DLG2: variants seen among roughly 807,000 people sequenced by gnomAD.
DLG2 encodes discs large MAGUK scaffold protein 2.
DLG2 carries 45 observed loss-of-function variants against 132.5 expected under a neutral mutation model. The ratio of observed to expected loss-of-function variants is 0.34; its 90% CI spans 0.27 to 0.44. The LOEUF (loss-of-function observed/expected upper bound fraction) is 0.44. Among genes scored for constraint, DLG2 ranks in the 20% least tolerant of loss-of-function variants. The probability of loss-of-function intolerance (pLI) is 1.00; values close to 1 mark genes in which losing one functional copy is unlikely to be tolerated. For synonymous variants in DLG2, 424 were observed against 419.6 expected (o/e 1.01, Z -0.13); for missense variants, 1,045 against 1,196.9 (o/e 0.87, Z 1.87).
chr11:84,801,875 G>A (rs778889660), intron 6 of DLG2, among the ~76,000 whole-genome samples: 34 of 152,116 alleles, frequency 2.2e-4, no homozygotes, highest in Non-Finnish European at 5.9e-5. Context: ...GACAAATTTG[G>A]TATTGAGAAC....
intron 6 of DLG2, among the ~76,000 whole-genome samples, chr11:84,812,322 AC>A (rs1402329761): frequency 1.3e-5 from 2 of 152,162 alleles, no homozygotes; most frequent in Non-Finnish European, 2.9e-5. Flanking sequence ...ACATACTTGC[AC>A]CTTTATAGGC....
chr11:84,238,323 T>C lies in DLG2; in HGVS notation c.573+12915A>G, dbSNP rs190584456. Among the ~76,000 whole-genome samples, 174 of 152,210 alleles carry C rather than the reference T, an allele frequency of 1.1e-3. 1 individual carries two copies. The highest frequency in any genetic ancestry group is 4.0e-3 in the African/African-American group (164 of 41,518). ...TGAGCCTGGGAATTCAAGACCAGCC[T>C]GGGCAACATGGCAAAACTCTATGTC... On this transcript the variant is annotated intron_variant, in intron 8 of 27. Transcript: ENST00000376104.
chr11:83,928,708 A>T (rs1316688041), intron 15 of DLG2, among the ~76,000 whole-genome samples: 1 of 152,162 alleles, frequency 6.6e-6, no homozygotes, highest in Non-Finnish European at 1.5e-5. Flanking sequence ...AAGTCAGGCA[A>T]CTTATCAAGT....
intron 4 of DLG2, among the ~76,000 whole-genome samples, chr11:85,239,580 T>G (rs1461336396): frequency 6.6e-6 from 1 of 152,072 alleles, no homozygotes; most frequent in African/African-American, 2.4e-5. Flanking sequence ...AGTGGACTCA[T>G]GCAGTGCCAC....
At chr11:84,390,852 A>G (rs1198660305) in intron 7 of DLG2, among the ~76,000 whole-genome samples, 1 of 152,178 alleles carries the variant, frequency 6.6e-6, no homozygotes, top group African/African-American at 2.4e-5. Flanking sequence ...TCACTCATAG[A>G]AGTCAGATGC....
At chr11:84,469,659 T>C (rs1370272979) in intron 7 of DLG2, among the ~76,000 whole-genome samples, 1 of 151,614 alleles carries the variant, frequency 6.6e-6, no homozygotes, top group Non-Finnish European at 1.5e-5. Context: ...TATCTTCCTA[T>C]CTAATTATAG....
intron 6 of DLG2, among the ~76,000 whole-genome samples, chr11:84,684,474 G>C (rs2099736306): frequency 6.6e-6 from 1 of 152,086 alleles, no homozygotes; most frequent in Admixed American, 6.5e-5. Flanking sequence ...GTACGTCACA[G>C]AACATATTTG....
At chr11:84,783,768 G>A (rs2072275303) in intron 6 of DLG2, among the ~76,000 whole-genome samples, 1 of 151,974 alleles carries the variant, frequency 6.6e-6, no homozygotes, top group African/African-American at 2.4e-5. Flanking sequence ...TTTGATTCCT[G>A]TTTCAGAGTT....
intron 5 of DLG2, among the ~76,000 whole-genome samples, chr11:85,120,653 T>C (rs1008513945): frequency 1.3e-5 from 2 of 152,068 alleles, no homozygotes; most frequent in African/African-American, 4.8e-5. Context: ...TTTCTCATTG[T>C]AAAAGCATGA....
chr11:84,158,356 C>T (rs1596330769), intron 9 of DLG2, among the ~76,000 whole-genome samples: 2 of 152,148 alleles, frequency 1.3e-5, no homozygotes, highest in African/African-American at 2.4e-5. Flanking sequence ...AGCCACCGCC[C>T]CTGGCCTATT....
intron 17 of DLG2, among the ~76,000 whole-genome samples, chr11:83,795,626 AC>A (rs1332455023): frequency 2.0e-5 from 3 of 152,000 alleles, no homozygotes; most frequent in Admixed American, 2.0e-4. Flanking sequence ...TGAGTGGTTT[AC>A]CATTCCCAAG....
rs919500433 is a variant in DLG2 at position 84,923,185 on chromosome 11, G to A, written c.357+188476C>T. ...AGCACAGCGCAAGCCCCACACACAC[G>A]ATCCTGGGCATGTGCTACTAAAGAG... is the stretch of plus-strand genomic sequence containing the variant. On this transcript the variant is annotated intron_variant, in intron 6 of 27. Coordinates refer to ENST00000376104, the MANE Select transcript of DLG2 (RefSeq NM_001142699.3). The A allele has an allele frequency of 5.7e-5, 92 of 1,609,648 alleles. 1 individual carries two copies. The highest frequency in any genetic ancestry group is 9.3e-6 in the Non-Finnish European group (11 of 1,178,276).
intron 3 of DLG2, among the ~76,000 whole-genome samples, chr11:85,566,850 T>C (rs1196170613): frequency 2.0e-5 from 3 of 152,166 alleles, no homozygotes; most frequent in African/African-American, 4.8e-5. Flanking sequence ...TTTTGTTATA[T>C]AATGTGGAGT....
chr11:84,376,984 G>T (rs186707927), intron 7 of DLG2, among the ~76,000 whole-genome samples: 16 of 152,164 alleles, frequency 1.1e-4, no homozygotes, highest in Non-Finnish European at 2.1e-4. Flanking sequence ...AAGATATTAT[G>T]TGAAAAGACT....
intron 19 of DLG2, among the ~76,000 whole-genome samples, chr11:83,612,690 A>C (rs1243502673): frequency 6.6e-6 from 1 of 152,212 alleles, no homozygotes; most frequent in Non-Finnish European, 1.5e-5. Context: ...GCCTCTAGGA[A>C]GGCATGGTGC....
At chr11:84,183,578 C>CT (rs1163799243) in intron 8 of DLG2, among the ~76,000 whole-genome samples, 1 of 151,876 alleles carries the variant, frequency 6.6e-6, no homozygotes, top group East Asian at 1.9e-4. Context: ...AGAAATGTTT[C>CT]TTTTTTTTAA....
chr11:85,497,503 T>C (rs1473903539), intron 3 of DLG2, among the ~76,000 whole-genome samples: 1 of 152,132 alleles, frequency 6.6e-6, no homozygotes, highest in Non-Finnish European at 1.5e-5. Flanking sequence ...GAAAACACTC[T>C]TCAGGATATT....
chr11:85,426,121 G>A (rs2153003192), intron 3 of DLG2, among the ~76,000 whole-genome samples: 1 of 152,324 alleles, frequency 6.6e-6, no homozygotes, highest in East Asian at 1.9e-4. Flanking sequence ...GGCTTGAGTA[G>A]GTAAACAAAG....
At chr11:85,433,238 C>T (rs368697249) in intron 3 of DLG2, among the ~76,000 whole-genome samples, 4 of 152,264 alleles carry the variant, frequency 2.6e-5, no homozygotes, top group African/African-American at 7.2e-5. Flanking sequence ...ACCAATGACA[C>T]TATGAAGAAA....
Sources: gnomAD v4.1 joint callset for allele counts (sites outside exome capture counted in the v4.1 genomes callset) on GRCh38, gnomAD v4.1.1 for gene constraint, MANE v1.5 for transcripts, NCBI Gene and HGNC (gene_info 2026-07-23, HGNC 2026-07-21) for gene names.